The following WDFY2 variants were observed in gnomAD, a reference collection of about 807,000 sequenced individuals.
The protein encoded by WDFY2 is WD repeat and FYVE domain-containing protein 2.
Under a neutral mutation model 56.4 loss-of-function variants are expected in WDFY2, and 36 were observed. The ratio of observed to expected loss-of-function variants is 0.64; its 90% CI spans 0.49 to 0.84. The LOEUF (loss-of-function observed/expected upper bound fraction) is 0.84. WDFY2 is among the 40% of genes least tolerant of loss of function. The pLI is 0.00. For synonymous variants in WDFY2, 176 were observed against 183.7 expected (o/e 0.96, Z 0.34); for missense variants, 444 against 512.2 (o/e 0.87, Z 1.29).
At chr13:51,695,970 C>G (rs1050474158) in intron 3 of WDFY2, among the ~76,000 whole-genome samples, 1 of 152,208 alleles carries the variant, frequency 6.6e-6, no homozygotes, top group Non-Finnish European at 1.5e-5. Flanking sequence ...GGGCGTAGGA[C>G]CCTCCGAGCC....
chr13:51,720,986 CACAA>C (rs1189758910), intron 5 of WDFY2, among the ~76,000 whole-genome samples: 1 of 152,092 alleles, frequency 6.6e-6, no homozygotes, highest in Non-Finnish European at 1.5e-5. Flanking sequence ...CACACACACA[CACAA>C]ACACACACAC....
In WDFY2 at chr13:51,584,749, A is replaced by AG. The variant is rs771147997; in HGVS notation, c.66dup (p.Ser23ValfsTer55). 1 of 1,613,820 alleles carries AG rather than the reference A, an allele frequency of 6.2e-7. No homozygotes were observed. Among genetic ancestry groups the AG allele is most frequent in the South Asian group, 1.1e-5 (1 of 91,072 alleles). On this transcript the variant is annotated frameshift_variant, in exon 1 of 12. Transcript: ENST00000298125. LOFTEE classifies it high-confidence loss of function. ...AAGCCGATCCTGCTGCAGCGGATGG[A>AG]GGGGTCCCAGGAGGTGGTGAATATG...
intron 7 of WDFY2, among the ~76,000 whole-genome samples, chr13:51,745,546 A>T (rs1050447735): frequency 2.0e-5 from 3 of 152,032 alleles, no homozygotes; most frequent in African/African-American, 7.2e-5. Context: ...ATAGATCAGT[A>T]AAAATACTAA....
At chr13:51,730,719 G>T (rs1952705081) in intron 6 of WDFY2, among the ~76,000 whole-genome samples, 1 of 152,196 alleles carries the variant, frequency 6.6e-6, no homozygotes, top group South Asian at 2.1e-4. Context: ...GCTCTTTGGG[G>T]ATGTGTAAGT....
chr13:51,737,698 C>T (rs1206677612), intron 6 of WDFY2, among the ~76,000 whole-genome samples: 1 of 151,944 alleles, frequency 6.6e-6, no homozygotes, highest in South Asian at 2.1e-4. Flanking sequence ...TTCATCTGCT[C>T]CTTCATTCAG....
At chr13:51,620,681 C>T (rs1954708608) in intron 1 of WDFY2, among the ~76,000 whole-genome samples, 1 of 152,116 alleles carries the variant, frequency 6.6e-6, no homozygotes, top group African/African-American at 2.4e-5. Context: ...ACACTCTAGC[C>T]ATTGTTCTCT....
intron 2 of WDFY2, among the ~76,000 whole-genome samples, chr13:51,674,653 ACTC>A (rs1264876590): frequency 1.3e-5 from 2 of 151,718 alleles, no homozygotes; most frequent in African/African-American, 2.4e-5. Context: ...AAAGCAAAAA[ACTC>A]CTGTTAATTC....
chr13:51,606,425 A>G (rs1954386040), intron 1 of WDFY2, among the ~76,000 whole-genome samples: 1 of 152,208 alleles, frequency 6.6e-6, no homozygotes, highest in Non-Finnish European at 1.5e-5. Context: ...CTAAAGTGAT[A>G]TATCCAGGTT....
At chr13:51,706,031 A>G (rs963163353) in intron 4 of WDFY2, among the ~76,000 whole-genome samples, 1 of 152,236 alleles carries the variant, frequency 6.6e-6, no homozygotes, top group African/African-American at 2.4e-5. Context: ...CCTCACAGGT[A>G]TAAGTATAAT....
At chr13:51,703,516 T>G in intron 3 of WDFY2, 80 bp from the exon 4 acceptor site, 1 of 1,082,086 alleles carries the variant, frequency 9.2e-7, no homozygotes, top group Non-Finnish European at 1.3e-6. Context: ...ACAATTCGCT[T>G]TATTCAGTCT....
intron 1 of WDFY2, among the ~76,000 whole-genome samples, chr13:51,627,284 G>A (rs1243524337): frequency 6.6e-6 from 1 of 152,198 alleles, no homozygotes; most frequent in Non-Finnish European, 1.5e-5. Flanking sequence ...AGTGTGGTGA[G>A]CGGGAAGGGG....
intron 7 of WDFY2, among the ~76,000 whole-genome samples, chr13:51,739,460 G>A (rs913152831): frequency 6.6e-6 from 1 of 151,618 alleles, no homozygotes; most frequent in African/African-American, 2.4e-5. Context: ...GAATATAACA[G>A]TAAAAATTTG....
At position 51,766,715 on chromosome 13, in the gene WDFY2, T is replaced by C. The variant is rs1377810338; in HGVS notation, c.*6946T>C. On this transcript the variant is annotated 3_prime_UTR_variant, in exon 12 of 12. Coordinates refer to ENST00000298125, the MANE Select transcript of WDFY2 (RefSeq NM_052950.4). ...ACTGTGCTTTCCTCTAACCAAAATA[T>C]ACGTGTAGCCATTACCAATGTACAA... is the stretch of plus-strand genomic sequence containing the variant. The C allele has an allele frequency of 1.3e-5, 2 of 152,286 alleles. No individual in the cohort carries two copies. The highest frequency in any genetic ancestry group is 3.8e-4 in the East Asian group (2 of 5,204). The allele number at this position is 152,286 out of a possible 1,614,324, so 9.4% of individuals were successfully genotyped here.
At chr13:51,632,586 T>C (rs552487778) in intron 1 of WDFY2, among the ~76,000 whole-genome samples, 2 of 152,348 alleles carry the variant, frequency 1.3e-5, no homozygotes, top group East Asian at 3.9e-4. Flanking sequence ...ATCTCTTCTT[T>C]AGGCTACCCA....
At chr13:51,614,186 C>CAAAA (rs771044291) in intron 1 of WDFY2, among the ~76,000 whole-genome samples, 6 of 60,928 alleles carry the variant, frequency 9.8e-5, no homozygotes, top group African/African-American at 3.5e-4. Context: ...ACTCGGTCTC[C>CAAAA]AAAAAAAAAA....
At chr13:51,700,285 T>C (rs1178075292) in intron 3 of WDFY2, among the ~76,000 whole-genome samples, 1 of 152,088 alleles carries the variant, frequency 6.6e-6, no homozygotes, top group Non-Finnish European at 1.5e-5. Flanking sequence ...AACTAAGTGA[T>C]AGATGGGTGG....
chr13:51,660,370 T>C (rs1480838686), intron 1 of WDFY2, among the ~76,000 whole-genome samples: 2 of 151,882 alleles, frequency 1.3e-5, no homozygotes, highest in African/African-American at 4.8e-5. Flanking sequence ...CTAATTTTTT[T>C]TTTTTTTTCA....
intron 6 of WDFY2, among the ~76,000 whole-genome samples, chr13:51,732,413 C>A (rs1025038459): frequency 2.0e-5 from 3 of 152,168 alleles, no homozygotes; most frequent in African/African-American, 7.2e-5. Flanking sequence ...AGCCACCGTA[C>A]GTGGCCAAAA....
chr13:51,727,829 AG>A, intron 6 of WDFY2, 39 bp downstream of exon 6: 2 of 1,583,496 alleles, frequency 1.3e-6, no homozygotes, highest in Non-Finnish European at 1.7e-6. Flanking sequence ...CTGATAGCAC[AG>A]TGAGATATCG....
Sources: allele counts gnomAD v4.1 joint callset (sites outside exome capture counted in the v4.1 genomes callset), GRCh38; gene constraint gnomAD v4.1.1; transcripts MANE v1.5; gene names NCBI Gene and HGNC (gene_info 2026-07-23, HGNC 2026-07-21).